TENM4: variants seen among roughly 807,000 people sequenced by gnomAD.
TENM4 encodes the protein teneurin-4.
A neutral mutation model predicts 243.3 loss-of-function variants in TENM4; 82 were observed. The ratio of observed to expected loss-of-function variants is 0.34; its 90% CI spans 0.28 to 0.40. The LOEUF is 0.40. TENM4 is among the 10% of genes least tolerant of loss of function. The probability of loss-of-function intolerance (pLI) is 1.00; values close to 1 mark genes in which losing one functional copy is unlikely to be tolerated. For missense variants in TENM4, 3,138 were observed against 3,673.3 expected (o/e 0.85, Z 3.77); for synonymous variants, 1,412 against 1,456.3 (o/e 0.97, Z 0.69).
intron 6 of TENM4, among the ~76,000 whole-genome samples, chr11:79,006,008 TCAC>T (rs915731406): frequency 6.6e-6 from 1 of 152,220 alleles, no homozygotes; most frequent in African/African-American, 2.4e-5. Context: ...AGTATTTTTT[TCAC>T]CACAACAGAA....
In TENM4 at chr11:78,658,636, G is replaced by A. The variant is rs1368149051; in HGVS notation, c.7732C>T (p.Arg2578Ter). 1.9e-6 allele frequency: 3 copies of A among 1,613,904 alleles called. No homozygotes were observed. The highest frequency in any genetic ancestry group is 2.2e-5 in the East Asian group (1 of 44,900). The change falls in exon 34 of 34, where the codon CGA (arginine) becomes TGA (stop). Residue 2578 changes from arginine to a stop codon, truncating the protein, a stop_gained. Coordinates refer to ENST00000278550, the MANE Select transcript of TENM4 (RefSeq NM_001098816.3). LOFTEE classifies it high-confidence loss of function. ...KGVKFALKDG[R>*]VTTDIISVAN... ...ACACTGATGATGTCTGTGGTCACTC[G>A]GCCATCCTTCAAGGCAAACTTGACC...
chr11:78,778,512 A>C (rs1856781097), intron 17 of TENM4, 90 bp downstream of exon 17: 1 of 1,363,942 alleles, frequency 7.3e-7, no homozygotes, highest in Admixed American at 2.0e-5. Context: ...TGTGGTGTAT[A>C]TACATTTTTA....
intron 15 of TENM4, among the ~76,000 whole-genome samples, chr11:78,802,180 T>C (rs1157568095): frequency 1.3e-5 from 2 of 152,192 alleles, no homozygotes; most frequent in African/African-American, 2.4e-5. Context: ...AAAAACTCAA[T>C]AGCTTTAAAA....
chr11:79,436,872 A>G (rs1859282170), intron 1 of TENM4, among the ~76,000 whole-genome samples: 3 of 152,220 alleles, frequency 2.0e-5, no homozygotes, highest in Admixed American at 2.0e-4. Flanking sequence ...GAAGATGGCA[A>G]TTCCACAAGC....
intron 6 of TENM4, among the ~76,000 whole-genome samples, chr11:79,045,233 G>GCTC (rs2136916837): frequency 6.6e-6 from 1 of 152,294 alleles, no homozygotes; most frequent in East Asian, 1.9e-4. Flanking sequence ...TCCACTGCGT[G>GCTC]CTCCTCTCTG....
At chr11:78,666,343 T>A (rs939857801) in intron 32 of TENM4, among the ~76,000 whole-genome samples, 1 of 152,216 alleles carries the variant, frequency 6.6e-6, no homozygotes, top group African/African-American at 2.4e-5. Context: ...CACACTTAAG[T>A]ATTCTTTTGC....
intron 7 of TENM4, among the ~76,000 whole-genome samples, chr11:78,902,806 C>T (rs1855960618): frequency 1.3e-5 from 2 of 152,140 alleles, no homozygotes; most frequent in Admixed American, 6.5e-5. Flanking sequence ...CGACGCCAGG[C>T]CAGGCAGGTC....
rs1269173727 is a variant in TENM4, at chr11:79,124,875, GTATATATGTATATGTATA to G, written c.-66+23817_-66+23834del. On this transcript the variant is annotated intron_variant, in intron 4 of 33. Coordinates refer to ENST00000278550, the MANE Select transcript of TENM4 (RefSeq NM_001098816.3). ...TATGTATATATATGTATATGTATGT[GTATATATGTATATGTATA>G]TGTGTGTGTGTGTGTGTGTGTGTGT... Among the ~76,000 whole-genome samples, 195 of 106,538 alleles carry G rather than the reference GTATATATGTATATGTATA, an allele frequency of 1.8e-3. 9 individuals are homozygous for G. The South Asian group carries it at 0.058, about 31-fold the overall frequency. The allele number at this position is 106,538 out of a possible 152,430, so 69.9% of individuals were successfully genotyped here.
intron 6 of TENM4, among the ~76,000 whole-genome samples, chr11:78,965,956 C>T (rs1857430202): frequency 6.6e-6 from 1 of 152,164 alleles, no homozygotes; most frequent in Non-Finnish European, 1.5e-5. Flanking sequence ...TTTCAAATTT[C>T]TGTTTAGTAT....
At chr11:79,082,569 A>C (rs550598054) in intron 4 of TENM4, among the ~76,000 whole-genome samples, 66 of 152,170 alleles carry the variant, frequency 4.3e-4, no homozygotes, top group African/African-American at 1.5e-3. Context: ...CCCCAGAAAA[A>C]TGCACATATG....
chr11:79,233,584 G>T (rs1164248244), intron 2 of TENM4, among the ~76,000 whole-genome samples: 1 of 152,118 alleles, frequency 6.6e-6, no homozygotes, highest in Non-Finnish European at 1.5e-5. Context: ...AGAATGTGAG[G>T]CACTTAGGCA....
chr11:79,364,098 G>A lies in TENM4; in HGVS notation c.-320-66555C>T, dbSNP rs1045990817. On this transcript the variant is annotated intron_variant, in intron 1 of 33. Coordinates refer to ENST00000278550, the MANE Select transcript of TENM4 (RefSeq NM_001098816.3). ...TGATCGAGATGGAAAAATGCTTTGG[G>A]TGACCCTTATTTTACCTAAGTTACA... Among the ~76,000 whole-genome samples, 14 of 152,304 alleles carry A rather than the reference G, an allele frequency of 9.2e-5. 1 individual carries two copies. Among genetic ancestry groups the A allele is most frequent in the Middle Eastern group, 6.8e-3 (2 of 294 alleles).
At chr11:78,765,327 C>T (rs951130378) in intron 18 of TENM4, among the ~76,000 whole-genome samples, 20 of 152,302 alleles carry the variant, frequency 1.3e-4, no homozygotes, top group Admixed American at 2.6e-4. Context: ...TCTCTTGTCT[C>T]TTATCATGAG....
chr11:78,685,089 A>G (rs1330776358), intron 29 of TENM4, among the ~76,000 whole-genome samples: 1 of 152,146 alleles, frequency 6.6e-6, no homozygotes, highest in Admixed American at 6.5e-5. Flanking sequence ...ATCTGCCTCA[A>G]ACTTGCTATG....
intron 13 of TENM4, among the ~76,000 whole-genome samples, chr11:78,813,515 G>C (rs1019269277): frequency 3.3e-5 from 5 of 152,192 alleles, no homozygotes; most frequent in African/African-American, 1.2e-4. Context: ...CCTAGCACAG[G>C]ACCAATCCCT....
intron 2 of TENM4, among the ~76,000 whole-genome samples, chr11:79,262,872 T>C (rs934604585): frequency 1.3e-5 from 2 of 152,206 alleles, no homozygotes; most frequent in Non-Finnish European, 2.9e-5. Flanking sequence ...ATGATACATA[T>C]AGGTGACTAA....
intron 4 of TENM4, among the ~76,000 whole-genome samples, chr11:79,103,917 T>C (rs1861297403): frequency 6.6e-6 from 1 of 152,202 alleles, no homozygotes; most frequent in African/African-American, 2.4e-5. Context: ...AAATGAATAT[T>C]AGAATAAAAA....
intron 2 of TENM4, among the ~76,000 whole-genome samples, chr11:79,292,320 A>G (rs1453938834): frequency 6.6e-6 from 1 of 151,972 alleles, no homozygotes; most frequent in African/African-American, 2.4e-5. Flanking sequence ...CTCAAGAAAT[A>G]CTCACAGTAA....
chr11:79,339,642 T>G (rs181271215), intron 1 of TENM4, among the ~76,000 whole-genome samples: 6 of 151,884 alleles, frequency 4.0e-5, no homozygotes, highest in Middle Eastern at 3.4e-3. Context: ...ACCTGCTGGG[T>G]CCCATGGTTA....
Sources: gnomAD v4.1 joint callset for allele counts (sites outside exome capture counted in the v4.1 genomes callset) on GRCh38, gnomAD v4.1.1 for gene constraint, MANE v1.5 for transcripts, NCBI Gene and HGNC (gene_info 2026-07-23, HGNC 2026-07-21) for gene names.